Variants in FRY observed in about 807,000 individuals in gnomAD.
FRY encodes FRY microtubule binding protein.
FRY carries 128 observed loss-of-function variants against 348.4 expected under a neutral mutation model. The ratio of observed to expected loss-of-function variants is 0.37; its 90% CI spans 0.32 to 0.43. The LOEUF is 0.43. Among genes scored for constraint, FRY ranks in the 20% least tolerant of loss-of-function variants. The probability of loss-of-function intolerance (pLI) is 1.00; values close to 1 mark genes in which losing one functional copy is unlikely to be tolerated. For synonymous variants in FRY, 1,370 were observed against 1,374.7 expected, an observed-to-expected ratio of 1.00 and a Z score of 0.08; for missense variants, 2,736 against 3,695.2, an observed-to-expected ratio of 0.74 and a Z score of 6.73.
chr13:32,106,123 T>A (rs1005343302), intron 3 of FRY, among the ~76,000 whole-genome samples: 2 of 148,170 alleles, frequency 1.3e-5, no homozygotes, highest in Non-Finnish European at 3.0e-5. Context: ...AATATTAAGT[T>A]AAATTATATT....
chr13:32,110,478 T>G, intron 3 of FRY, among the ~76,000 whole-genome samples: 1 of 152,136 alleles, frequency 6.6e-6, no homozygotes, highest in East Asian at 1.9e-4. Flanking sequence ...AGCCCATTTT[T>G]AAAAGTGAAA....
At chr13:32,042,668 A>G (rs1173906674) in intron 1 of FRY, among the ~76,000 whole-genome samples, 3 of 152,204 alleles carry the variant, frequency 2.0e-5, no homozygotes, top group Non-Finnish European at 2.9e-5. Context: ...GTCAGGAAGG[A>G]AGGAGGCCCA....
intron 8 of FRY, among the ~76,000 whole-genome samples, chr13:32,133,231 G>T (rs1358788008): frequency 1.3e-5 from 2 of 152,108 alleles, no homozygotes; most frequent in African/African-American, 4.8e-5. Context: ...ATATATTGGG[G>T]GGACTATGTA....
intron 32 of FRY, 78 bp downstream of exon 32, chr13:32,209,187 GA>G: frequency 1.3e-6 from 2 of 1,493,648 alleles, no homozygotes; most frequent in Non-Finnish European, 9.3e-7. Flanking sequence ...AAACCCCGGG[GA>G]AAATGGGATT....
Position 32,289,719 on chromosome 13 carries a change from G to A in FRY, c.8556G>A (p.Val2852=). ...CCTACTGTAAGCTCATCGGCCAGGT[G>A]CACGAAGTTAGCTCCATGCCAGAGG... ...FQSYCKLIGQ[V]HEVSSMPELL... is the part of the protein sequence containing the mutation. The change falls in exon 59 of 61, where the codon GTG becomes GTA. Residue 2852 remains valine, a synonymous_variant. Coordinates refer to ENST00000542859, the MANE Select transcript of FRY (RefSeq NM_023037.3). The A allele has an allele frequency of 6.2e-7, 1 of 1,608,388 alleles. No homozygotes were observed.
chr13:32,217,641 G>A (rs1267081952), intron 35 of FRY, among the ~76,000 whole-genome samples: 2 of 152,182 alleles, frequency 1.3e-5, no homozygotes, highest in Non-Finnish European at 2.9e-5. Context: ...AAAGCTCCAC[G>A]CAGGGAGTTG....
At chr13:32,136,681 T>A (rs564993910) in intron 10 of FRY, among the ~76,000 whole-genome samples, 190 bp from the exon 11 acceptor site, 5 of 152,362 alleles carry the variant, frequency 3.3e-5, no homozygotes, top group African/African-American at 1.2e-4. Flanking sequence ...ATCCCCAGCA[T>A]TATCAGAAAG....
At chr13:32,079,401 C>G (rs2138532453) in intron 2 of FRY, among the ~76,000 whole-genome samples, 1 of 151,988 alleles carries the variant, frequency 6.6e-6, no homozygotes, top group East Asian at 1.9e-4. Flanking sequence ...AATCTTTTGT[C>G]CAGTTTTTAA....
intron 1 of FRY, among the ~76,000 whole-genome samples, chr13:32,073,173 C>T (rs997542088): frequency 6.6e-6 from 1 of 152,308 alleles, no homozygotes; most frequent in African/African-American, 2.4e-5. Flanking sequence ...TCTCTGCTTC[C>T]TGAGGAATGG....
chr13:32,163,738 G>A (rs946944361), intron 17 of FRY, among the ~76,000 whole-genome samples: 1 of 152,150 alleles, frequency 6.6e-6, no homozygotes, highest in Non-Finnish European at 1.5e-5. Flanking sequence ...ATCCAGTGAC[G>A]CCCAAACCCC....
chr13:32,247,843 TC>T (rs1457986371), intron 48 of FRY, among the ~76,000 whole-genome samples: 1 of 152,206 alleles, frequency 6.6e-6, no homozygotes, highest in African/African-American at 2.4e-5. Flanking sequence ...ACAATGTTTC[TC>T]CCTGAATGAC....
At chr13:32,235,394 C>A (rs531458492) in intron 42 of FRY, among the ~76,000 whole-genome samples, 1 of 152,194 alleles carries the variant, frequency 6.6e-6, no homozygotes, top group Non-Finnish European at 1.5e-5. Context: ...GAGGCCATGG[C>A]GGGCAGATCA....
At chr13:32,128,586 T>C (rs533881603) in intron 7 of FRY, among the ~76,000 whole-genome samples, 23 of 152,194 alleles carry the variant, frequency 1.5e-4, no homozygotes, top group Non-Finnish European at 2.9e-4. Flanking sequence ...TAATGGAAAT[T>C]CCTGGAATTT....
intron 36 of FRY, 140 bp downstream of exon 36, chr13:32,218,971 G>A: frequency 3.1e-6 from 2 of 647,138 alleles, no homozygotes; most frequent in East Asian, 2.8e-5. Context: ...CTATGCAGAT[G>A]AGCATAGAGT....
At chr13:32,144,902 G>A (rs1479840213) in intron 11 of FRY, among the ~76,000 whole-genome samples, 2 of 152,136 alleles carry the variant, frequency 1.3e-5, no homozygotes, top group African/African-American at 4.8e-5. Context: ...TGAGAGTCAG[G>A]GGACACTCAG....
At chr13:32,157,530 T>TTA in intron 16 of FRY, 125 bp downstream of exon 16, 1 of 683,238 alleles carries the variant, frequency 1.5e-6, no homozygotes, top group Non-Finnish European at 2.4e-6. Context: ...TAAAGATAGT[T>TTA]AAAAAAAAAC....
At position 32,175,557 on chromosome 13, in the gene FRY, G is replaced by C. The variant is rs1384204610; in HGVS notation, c.2346G>C (p.Arg782Ser). 6.2e-7 allele frequency: 1 copy of C among 1,609,484 alleles called. No individual in the cohort carries two copies. ...TCCCCTTTGTACAGGATGACGACAG[G>C]CCGATGATTGATGTCATGGATCAGC... is the stretch of plus-strand genomic sequence containing the variant. ...IALGQPEDDD[R>S]PMIDVMDQLS... is the part of the protein sequence containing the mutation. Residue 782 changes from arginine (R) to serine (S), a missense_variant, in exon 20 of 61, where the codon AGG becomes AGC. This residue lies in a region of FRY where 449 missense variants were observed against 576.9 expected (regional missense o/e 0.78). Coordinates refer to ENST00000542859, the MANE Select transcript of FRY (RefSeq NM_023037.3).
At chr13:32,162,939 A>G (rs1325227629) in intron 17 of FRY, among the ~76,000 whole-genome samples, 1 of 152,226 alleles carries the variant, frequency 6.6e-6, no homozygotes, top group Non-Finnish European at 1.5e-5. Context: ...GGGCAAGGGG[A>G]AGACCTGTGG....
chr13:32,182,536 T>C (rs774705293), intron 23 of FRY, among the ~76,000 whole-genome samples: 12 of 152,230 alleles, frequency 7.9e-5, no homozygotes, highest in Non-Finnish European at 1.8e-4. Context: ...TTTCCACTAA[T>C]TAGACTGAAA....
Sources: gnomAD v4.1 joint callset for allele counts (sites outside exome capture counted in the v4.1 genomes callset) on GRCh38, gnomAD v4.1.1 for gene constraint, gnomAD v4.1.1 regional missense constraint, MANE v1.5 for transcripts, NCBI Gene and HGNC (gene_info 2026-07-23, HGNC 2026-07-21) for gene names.